Variants in CATSPERB observed in about 807,000 individuals in gnomAD.
The protein encoded by CATSPERB is catsper channel auxiliary subunit beta, also known as cation channel sperm-associated auxiliary subunit beta.
In CATSPERB, 93 loss-of-function variants were observed where a neutral mutation model predicts 128.3. That is an observed-to-expected ratio of 0.72 (90% CI 0.61 to 0.86). The LOEUF is 0.86. CATSPERB is among the 40% of genes least tolerant of loss of function. The pLI, the probability that CATSPERB is intolerant of heterozygous loss-of-function variation, is 0.00. For missense variants in CATSPERB, 1,153 were observed against 1,329.5 expected (o/e 0.87, Z 2.06); for synonymous variants, 381 against 448.8 (o/e 0.85, Z 1.91).
At chr14:91,645,429 C>G (rs1438415567) in intron 15 of CATSPERB, among the ~76,000 whole-genome samples, 1 of 23,644 alleles carries the variant, frequency 4.2e-5, no homozygotes. Flanking sequence ...TTCTAACAGA[C>G]AGGACCCTCA....
chr14:91,605,390 C>G (rs1893681764), intron 22 of CATSPERB: 1 of 559,772 alleles, frequency 1.8e-6, no homozygotes, highest in Non-Finnish European at 3.2e-6. Flanking sequence ...GGCTTTAAGA[C>G]TTTTTTCTGG....
intron 10 of CATSPERB, among the ~76,000 whole-genome samples, chr14:91,686,042 T>A (rs79510968): frequency 0.038 from 5,853 of 152,298 alleles, 165 homozygotes; most frequent in East Asian, 0.12. Flanking sequence ...TGACTGGAAA[T>A]GCTGTGTCAA....
intron 1 of CATSPERB, among the ~76,000 whole-genome samples, chr14:91,730,218 A>C (rs922300097): frequency 5.9e-5 from 9 of 152,212 alleles, no homozygotes; most frequent in African/African-American, 2.2e-4. Flanking sequence ...GCCCTCATCC[A>C]ATAGGACTGG....
intron 7 of CATSPERB, 22 bp downstream of exon 7, chr14:91,704,530 T>C: frequency 1.3e-6 from 2 of 1,580,422 alleles, no homozygotes; most frequent in Non-Finnish European, 1.7e-6. Context: ...AATGTCAACA[T>C]TTAATGAAGC....
At chr14:91,630,227 C>G (rs553350480) in intron 17 of CATSPERB, among the ~76,000 whole-genome samples, 1 of 152,146 alleles carries the variant, frequency 6.6e-6, no homozygotes, top group Admixed American at 6.6e-5. Context: ...GTTTTTTCTA[C>G]CTTACTGGCT....
At chr14:91,652,273 A>G (rs910154105) in intron 15 of CATSPERB, among the ~76,000 whole-genome samples, 4 of 152,286 alleles carry the variant, frequency 2.6e-5, no homozygotes, top group African/African-American at 9.6e-5. Context: ...TTCATTCAAA[A>G]AAGACTTGAA....
rs111898468 is a variant in CATSPERB at position 91,587,360 on chromosome 14, C to T, written c.3058-84G>A. On this transcript the variant is annotated intron_variant, in intron 25 of 26. Coordinates refer to ENST00000256343, the MANE Select transcript of CATSPERB (RefSeq NM_024764.4). ...TTAATAAAAATATACCCTGGGGCCA[C>T]TGTCCCTATAGATGCTGCATGAAAA... 1.7e-5 allele frequency: 16 copies of T among 942,662 alleles called. No individual in the cohort carries two copies. In the Admixed American group the frequency reaches 1.9e-4, roughly 11 times the overall value. 58.4% of individuals were successfully genotyped at this position (942,662 alleles called of 1,614,324 possible).
At position 91,631,435 on chromosome 14, in the gene CATSPERB, G is replaced by A. The variant is rs373477949; in HGVS notation, c.1742+4990C>T. On this transcript the variant is annotated intron_variant, in intron 17 of 26. Coordinates refer to ENST00000256343, the MANE Select transcript of CATSPERB (RefSeq NM_024764.4). ...TCCCAGCACTTTGGGAGGCCGAGGCGGGTGGATCACCTGAGGTCAGAAGTT... is the reference window on the plus strand; with the variant it reads ...TCCCAGCACTTTGGGAGGCCGAGGCAGGTGGATCACCTGAGGTCAGAAGTT... Among the ~76,000 whole-genome samples the A allele has an allele frequency of 2.6e-5, 4 of 152,264 alleles. No individual in the cohort carries two copies. In the East Asian group the frequency reaches 5.8e-4, roughly 22 times the overall value.
intron 15 of CATSPERB, 151 bp downstream of exon 15, chr14:91,659,686 C>T: frequency 1.5e-6 from 1 of 661,026 alleles, no homozygotes; most frequent in Non-Finnish European, 2.4e-6. Flanking sequence ...TAGGACTATC[C>T]ATAGGATCCT....
At chr14:91,607,311 G>T (rs1893729268) in intron 22 of CATSPERB, among the ~76,000 whole-genome samples, 1 of 152,310 alleles carries the variant, frequency 6.6e-6, no homozygotes, top group African/African-American at 2.4e-5. Flanking sequence ...AGGCAGGGAA[G>T]GAGGGGAGAC....
rs758628523 is a variant in CATSPERB, at chr14:91,634,651, G to GAT, written c.1742+1772_1742+1773dup. On this transcript the variant is annotated intron_variant, in intron 17 of 26. Coordinates refer to ENST00000256343, the MANE Select transcript of CATSPERB (RefSeq NM_024764.4). ...ACTGATGAGTGGATTTAAAAAATGT[G>GAT]ATATATATATATATACATACACACA... Among the ~76,000 whole-genome samples, 132 of 113,820 alleles carry GAT rather than the reference G, an allele frequency of 1.2e-3. 1 individual carries two copies. The highest frequency in any genetic ancestry group is 1.2e-3 in the African/African-American group (28 of 23,950). The allele number at this position is 113,820 out of a possible 152,430, so 74.7% of individuals were successfully genotyped here.
rs190725690 is a variant in CATSPERB, at chr14:91,674,671, C to T, written c.932-449G>A. Among the ~76,000 whole-genome samples, 267 of 152,274 alleles carry T rather than the reference C, an allele frequency of 1.8e-3. 2 individuals are homozygous for T. Among genetic ancestry groups the T allele is most frequent in the East Asian group, 8.1e-3 (42 of 5,180 alleles). The stretch of plus-strand genomic sequence containing the variant: ...CTCCCTTCCCACTCGACACTCCATG[C>T]ACTGCTGGCTTATCTAATTATGTTC... On this transcript the variant is annotated intron_variant, in intron 11 of 26. Transcript: ENST00000256343.
intron 11 of CATSPERB, among the ~76,000 whole-genome samples, chr14:91,679,098 A>C (rs1343264411): frequency 6.6e-6 from 1 of 152,208 alleles, no homozygotes; most frequent in African/African-American, 2.4e-5. Context: ...TGAAATTTAA[A>C]ATCTTAAAAT....
intron 17 of CATSPERB, among the ~76,000 whole-genome samples, chr14:91,633,833 G>T (rs577201656): frequency 2.8e-4 from 42 of 151,620 alleles, no homozygotes; most frequent in East Asian, 3.9e-4. Flanking sequence ...TATATATATA[G>T]AGAGAGAGAG....
At chr14:91,687,170 T>C (rs1331398737) in intron 10 of CATSPERB, among the ~76,000 whole-genome samples, 1 of 152,130 alleles carries the variant, frequency 6.6e-6, no homozygotes. Context: ...AGGGTGAATA[T>C]ACAGAGAGGT....
intron 3 of CATSPERB, among the ~76,000 whole-genome samples, chr14:91,723,718 A>G (rs1224878572): frequency 6.6e-6 from 1 of 152,194 alleles, no homozygotes; most frequent in African/African-American, 2.4e-5. Context: ...CCTAATCTAA[A>G]AAATGGGGAA....
chr14:91,635,695 AG>A (rs1373337271), intron 17 of CATSPERB: 3 of 152,184 alleles, frequency 2.0e-5, no homozygotes, highest in Non-Finnish European at 4.4e-5. Context: ...TAGGCCTTAA[AG>A]GTAGCTTTAA....
chr14:91,656,937 AGGGG>A (rs1290552917), intron 15 of CATSPERB, among the ~76,000 whole-genome samples: 1 of 152,158 alleles, frequency 6.6e-6, no homozygotes, highest in South Asian at 2.1e-4. Context: ...ATAATGATAA[AGGGG>A]TCAATTCAGC....
intron 14 of CATSPERB, among the ~76,000 whole-genome samples, chr14:91,667,091 G>A (rs896362548): frequency 1.3e-5 from 2 of 152,250 alleles, no homozygotes; most frequent in African/African-American, 4.8e-5. Flanking sequence ...ACTTACCTGA[G>A]CCTTAGAACT....
Sources: gnomAD v4.1 joint callset for allele counts (sites outside exome capture counted in the v4.1 genomes callset) on GRCh38, gnomAD v4.1.1 for gene constraint, MANE v1.5 for transcripts, NCBI Gene and HGNC (gene_info 2026-07-23, HGNC 2026-07-21) for gene names.